The following FOXP2 variants were observed in gnomAD, a reference collection of about 807,000 sequenced individuals.
FOXP2 encodes the protein forkhead box P2.
A neutral mutation model predicts 115.8 loss-of-function variants in FOXP2; 12 were observed. The observed-to-expected ratio is 0.10, with a 90% CI of 0.07 to 0.17. The LOEUF (loss-of-function observed/expected upper bound fraction) is 0.17. FOXP2 is among the 10% of genes least tolerant of loss of function. The pLI, the probability that FOXP2 is intolerant of heterozygous loss-of-function variation, is 1.00. For synonymous variants in FOXP2, 328 were observed against 297.7 expected (o/e 1.10, Z -1.05); for missense variants, 629 against 843.5 (o/e 0.75, Z 3.15).
intron 1 of FOXP2, among the ~76,000 whole-genome samples, chr7:114,120,309 T>C (rs1035521487): frequency 6.6e-6 from 1 of 152,226 alleles, no homozygotes; most frequent in African/African-American, 2.4e-5. Flanking sequence ...CTAAAGAAAT[T>C]TACTGGATTA....
intron 2 of FOXP2, among the ~76,000 whole-genome samples, chr7:114,409,144 T>C (rs925729137): frequency 3.9e-5 from 6 of 152,186 alleles, no homozygotes; most frequent in Admixed American, 2.6e-4. Flanking sequence ...ATCAACACTT[T>C]TTAGTCTTTT....
chr7:114,341,634 A>G (rs1213850408), intron 2 of FOXP2, among the ~76,000 whole-genome samples: 1 of 151,406 alleles, frequency 6.6e-6, no homozygotes, highest in Non-Finnish European at 1.5e-5. Flanking sequence ...ATAATGATCC[A>G]TCAGGTAATT....
At chr7:114,347,519 C>T (rs1791376339) in intron 2 of FOXP2, among the ~76,000 whole-genome samples, 1 of 151,928 alleles carries the variant, frequency 6.6e-6, no homozygotes, top group Non-Finnish European at 1.5e-5. Flanking sequence ...CAGTTTCAAC[C>T]TTGAAAGTTG....
intron 2 of FOXP2, among the ~76,000 whole-genome samples, chr7:114,482,386 T>C (rs1796596590): frequency 6.6e-6 from 1 of 151,630 alleles, no homozygotes; most frequent in Admixed American, 6.6e-5. Flanking sequence ...GTTTGCTCAA[T>C]TGTTATGCCA....
At chr7:114,334,958 TAG>T (rs1215801393) in intron 2 of FOXP2, among the ~76,000 whole-genome samples, 62 of 136,332 alleles carry the variant, frequency 4.5e-4, no homozygotes, top group African/African-American at 1.4e-3. Context: ...TATATATATA[TAG>T]AAATCCAAGT....
At chr7:114,517,708 T>C (rs1374855881) in intron 2 of FOXP2, among the ~76,000 whole-genome samples, 1 of 152,210 alleles carries the variant, frequency 6.6e-6, no homozygotes, top group East Asian at 1.9e-4. Flanking sequence ...GCCAGTATCA[T>C]GCTGTTTTCA....
At chr7:114,108,280 T>C (rs963490474) in intron 1 of FOXP2, among the ~76,000 whole-genome samples, 3 of 151,918 alleles carry the variant, frequency 2.0e-5, no homozygotes, top group Non-Finnish European at 2.9e-5. Context: ...AATCTAGACA[T>C]AAACTTTTAT....
chr7:114,463,314 A>G lies in FOXP2; in HGVS notation c.168+36635A>G, dbSNP rs191718796. The G allele has an allele frequency of 9.0e-5, 19 of 210,706 alleles. No homozygotes were observed. The East Asian group carries it at 2.3e-3, about 26-fold the overall frequency. The allele number at this position is 210,706 out of a possible 1,614,324, so 13.1% of individuals were successfully genotyped here. ...GCATCTCATTTTGAATGTTTAGAAC[A>G]GTGCTTTCCAATAGAACATTCTGTG... On this transcript the variant is annotated intron_variant, in intron 2 of 16. Transcript: ENST00000350908.
intron 1 of FOXP2, among the ~76,000 whole-genome samples, chr7:114,155,883 G>T (rs1170704183): frequency 6.6e-6 from 1 of 152,100 alleles, no homozygotes; most frequent in Admixed American, 6.6e-5. Context: ...TTGGAGTTTT[G>T]TATGTCAGCA....
chr7:114,267,186 T>C (rs1306482680), intron 1 of FOXP2, among the ~76,000 whole-genome samples: 2 of 152,028 alleles, frequency 1.3e-5, no homozygotes, highest in Non-Finnish European at 2.9e-5. Context: ...ATTGAAAAAA[T>C]TATCCTCTCA....
intron 3 of FOXP2, among the ~76,000 whole-genome samples, chr7:114,597,690 T>G (rs1802801754): frequency 6.6e-6 from 1 of 152,146 alleles, no homozygotes; most frequent in Non-Finnish European, 1.5e-5. Context: ...CCAAACCATG[T>G]ACCTAAGGGG....
intron 1 of FOXP2, among the ~76,000 whole-genome samples, chr7:114,199,156 ACAGGTGT>A (rs1793991999): frequency 6.6e-6 from 1 of 152,182 alleles, no homozygotes. Context: ...TGCTGAGATT[ACAGGTGT>A]CACCCGCTGT....
chr7:114,600,357 G>GT (rs1198592737), intron 3 of FOXP2, among the ~76,000 whole-genome samples: 8 of 151,982 alleles, frequency 5.3e-5, no homozygotes, highest in South Asian at 4.2e-4. Flanking sequence ...TGATAGATCA[G>GT]TTTTTTTTCA....
intron 2 of FOXP2, among the ~76,000 whole-genome samples, chr7:114,481,669 A>C (rs1156655312): frequency 2.0e-5 from 3 of 151,308 alleles, no homozygotes; most frequent in African/African-American, 7.3e-5. Context: ...GGTAGGATCA[A>C]GTCACCTCTA....
intron 1 of FOXP2, among the ~76,000 whole-genome samples, chr7:114,221,011 G>A (rs184479222): frequency 1.8e-3 from 275 of 152,212 alleles, no homozygotes; most frequent in Non-Finnish European, 2.8e-3. Context: ...TAAATTTATG[G>A]TAAGTAAATT....
At chr7:114,385,001 T>C (rs559304190) in intron 2 of FOXP2, among the ~76,000 whole-genome samples, 55 of 151,994 alleles carry the variant, frequency 3.6e-4, no homozygotes, top group African/African-American at 1.3e-3. Flanking sequence ...TATTTCTATC[T>C]TTTTCTTTCT....
At chr7:114,142,591 A>G (rs765906236) in intron 1 of FOXP2, among the ~76,000 whole-genome samples, 2 of 152,114 alleles carry the variant, frequency 1.3e-5, no homozygotes, top group African/African-American at 4.8e-5. Context: ...ATATTATACC[A>G]TTTATATTGA....
chr7:114,483,481 A>C (rs1796642757), intron 2 of FOXP2, among the ~76,000 whole-genome samples: 2 of 151,640 alleles, frequency 1.3e-5, no homozygotes, highest in Admixed American at 1.3e-4. Flanking sequence ...TGCCTCAGGA[A>C]GTTTGAATAT....
At chr7:114,531,152 C>A (rs1799123810) in intron 2 of FOXP2, among the ~76,000 whole-genome samples, 1 of 151,742 alleles carries the variant, frequency 6.6e-6, no homozygotes, top group Non-Finnish European at 1.5e-5. Flanking sequence ...CAGACTCAAT[C>A]ATTGTGAAAG....
Sources: allele counts gnomAD v4.1 joint callset (sites outside exome capture counted in the v4.1 genomes callset), GRCh38; gene constraint gnomAD v4.1.1; transcripts MANE v1.5; gene names NCBI Gene and HGNC (gene_info 2026-07-23, HGNC 2026-07-21).